GDAP1: variants seen among roughly 807,000 people sequenced by gnomAD.
GDAP1 encodes the protein ganglioside induced differentiation associated protein 1, also known as ganglioside-induced differentiation-associated protein 1.
In GDAP1, 34 loss-of-function variants were observed where a neutral mutation model predicts 40.1. The observed-to-expected ratio is 0.85, with a 90% CI of 0.64 to 1.13. The LOEUF (loss-of-function observed/expected upper bound fraction) is 1.13, where lower values mean the gene tolerates loss of function less well. GDAP1 is among the 50% of genes most tolerant of loss of function. The pLI is 0.00. For synonymous variants in GDAP1, 170 were observed against 157.4 expected (o/e 1.08, Z -0.60); for missense variants, 374 against 433.7 (o/e 0.86, Z 1.22).
At chr8:74,473,477 G>A (rs1273069279) in intron 2 of GDAP1, among the ~76,000 whole-genome samples, 2 of 152,282 alleles carry the variant, frequency 1.3e-5, no homozygotes, top group South Asian at 4.1e-4. Context: ...TTTGTATATG[G>A]TGTATGGAAA....
chr8:74,409,796 G>A (rs534440492), intron 2 of GDAP1, among the ~76,000 whole-genome samples: 1 of 149,968 alleles, frequency 6.7e-6, no homozygotes, highest in East Asian at 1.9e-4. Flanking sequence ...GCTTCCTGTT[G>A]ATCACCTCCT....
chr8:74,396,110 A>G (rs1439095468), intron 2 of GDAP1, among the ~76,000 whole-genome samples: 1 of 152,132 alleles, frequency 6.6e-6, no homozygotes, highest in Non-Finnish European at 1.5e-5. Flanking sequence ...CCACTGCTTT[A>G]AGGAGTTCTA....
rs74582738 is a variant in GDAP1, at chr8:74,402,500, C to T, written c.165+51179C>T. ...GGAAAGGGAACTCCCTGACCCCTTG[C>T]GCTTCCTGAGTGAGGCAATGCCTCG... is the stretch of plus-strand genomic sequence containing the variant. On this transcript the variant is annotated intron_variant, in intron 2 of 2. Coordinates refer to the GDAP1 transcript ENST00000523640. Among the ~76,000 whole-genome samples the T allele has an allele frequency of 2.9e-4, 43 of 150,560 alleles. 2 individuals are homozygous for T. The highest frequency in any genetic ancestry group is 9.0e-4 in the African/African-American group (36 of 39,836).
chr8:74,351,803 C>T (rs1471291405), intron 2 of GDAP1, among the ~76,000 whole-genome samples: 3 of 152,022 alleles, frequency 2.0e-5, no homozygotes, highest in African/African-American at 7.3e-5. Context: ...TGCACTGTGA[C>T]GATTTCATCT....
chr8:74,428,747 G>A (rs1357249097), intron 2 of GDAP1, among the ~76,000 whole-genome samples: 1 of 142,388 alleles, frequency 7.0e-6, no homozygotes, highest in East Asian at 2.2e-4. Flanking sequence ...CTCCCAAAGT[G>A]CTGAGATTAC....
Position 74,351,281 on chromosome 8 carries a change from T to G in GDAP1, c.125T>G (p.Leu42Trp). The G allele has an allele frequency of 1.2e-6, 2 of 1,613,834 alleles. No individual in the cohort carries two copies. The highest frequency in any genetic ancestry group is 2.2e-5 in the South Asian group (2 of 91,076). The change falls in exon 2 of 6, where the codon TTG becomes TGG. Residue 42 changes from leucine to tryptophan, a missense_variant. Physicochemically the swap from Leu to Trp is moderately conservative, Grantham distance 61. Coordinates refer to ENST00000220822, the MANE Select transcript of GDAP1 (RefSeq NM_018972.4). ...CAGTGTGAACTCTTCCAGGTGCGCT[T>G]GGTAATTGCTGAAAAGGCATTGAAG... Reference protein sequence around the residue: ...THSFSSQKVRLVIAEKALKCE... With the variant: ...THSFSSQKVRWVIAEKALKCE...
intron 4 of GDAP1, 134 bp from the exon 5 acceptor site, chr8:74,362,799 TTTTTTG>T: frequency 2.3e-6 from 1 of 431,390 alleles, no homozygotes; most frequent in Admixed American, 4.3e-5. Context: ...TTTTTTTTTT[TTTTTTG>T]CTGAGTTTTT....
chr8:74,455,013 A>G (rs1031482746), intron 2 of GDAP1, among the ~76,000 whole-genome samples: 1 of 152,012 alleles, frequency 6.6e-6, no homozygotes, highest in Non-Finnish European at 1.5e-5. Flanking sequence ...GAGTGGTTCC[A>G]CAATGCCAGT....
chr8:74,378,198 C>T (rs1018295677), intron 2 of GDAP1, among the ~76,000 whole-genome samples: 2 of 152,138 alleles, frequency 1.3e-5, no homozygotes, highest in African/African-American at 2.4e-5. Context: ...ATTTGCCTAC[C>T]AGGCCACTCT....
intron 2 of GDAP1, among the ~76,000 whole-genome samples, chr8:74,408,515 T>C (rs1189868299): frequency 6.7e-6 from 1 of 150,102 alleles, no homozygotes; most frequent in Admixed American, 6.6e-5. Context: ...CCTTTCCAAC[T>C]AGTCTTTCAG....
At chr8:74,396,081 A>C (rs549546041) in intron 2 of GDAP1, among the ~76,000 whole-genome samples, 175 of 152,308 alleles carry the variant, frequency 1.1e-3, no homozygotes, top group Non-Finnish European at 1.9e-3. Context: ...TGTGTATCAC[A>C]ATCAAAAGAG....
At chr8:74,368,408 T>G (rs1027693461), downstream of GDAP1, among the ~76,000 whole-genome samples, 13 of 152,316 alleles carry the variant, frequency 8.5e-5, no homozygotes, top group African/African-American at 3.1e-4. Context: ...GAGCCTACAT[T>G]TATTAAGTTC....
At chr8:74,387,063 G>A (rs1260491159) in intron 2 of GDAP1, among the ~76,000 whole-genome samples, 1 of 152,216 alleles carries the variant, frequency 6.6e-6, no homozygotes, top group Non-Finnish European at 1.5e-5. Context: ...TTGCTTATCA[G>A]CTAAAGGAGA....
chr8:74,352,041 A>G (rs564862625), intron 2 of GDAP1, among the ~76,000 whole-genome samples: 14 of 152,212 alleles, frequency 9.2e-5, no homozygotes, highest in Non-Finnish European at 1.9e-4. Flanking sequence ...TTTCTTCAAT[A>G]ATGTCTTCAA....
intron 2 of GDAP1, among the ~76,000 whole-genome samples, chr8:74,393,474 A>G (rs1222178723): frequency 2.6e-5 from 4 of 152,178 alleles, no homozygotes; most frequent in Non-Finnish European, 1.5e-5. Flanking sequence ...TTTAATGTGC[A>G]TAAACTGTGT....
In GDAP1 at chr8:74,364,451, T is replaced by C. The variant is rs1809527167; in HGVS notation, c.*84T>C. 1 of 1,319,940 alleles carries C rather than the reference T, an allele frequency of 7.6e-7. No homozygotes were observed. Among genetic ancestry groups the C allele is most frequent in the Admixed American group, 1.7e-5 (1 of 59,650 alleles). 81.8% of individuals were successfully genotyped at this position (1,319,940 alleles called of 1,614,324 possible). A position where few individuals can be genotyped will look rare whatever the true frequency, so the allele number is the denominator to read the frequency against. ...CCCGTGGCTCTCTGAGTCTGTCTTA[T>C]TGAGTAGTTAGCAGTATTTTTTCCT... On this transcript the variant is annotated 3_prime_UTR_variant, in exon 6 of 6. Coordinates refer to ENST00000220822, the MANE Select transcript of GDAP1 (RefSeq NM_018972.4).
intron 2 of GDAP1, among the ~76,000 whole-genome samples, chr8:74,381,760 TAAAAA>T (rs59246526): frequency 8.4e-5 from 12 of 142,152 alleles, no homozygotes; most frequent in Admixed American, 1.4e-4. Context: ...CATCTCAAAT[TAAAAA>T]AAAAAAAAAA....
intron 2 of GDAP1, among the ~76,000 whole-genome samples, chr8:74,482,872 C>T (rs1252782222): frequency 2.6e-5 from 4 of 152,166 alleles, no homozygotes; most frequent in African/African-American, 9.7e-5. Flanking sequence ...ACCTGATGCT[C>T]TTGTGCTCTT....
intron 2 of GDAP1, among the ~76,000 whole-genome samples, chr8:74,456,877 T>C (rs1311202218): frequency 6.6e-6 from 1 of 152,038 alleles, no homozygotes; most frequent in African/African-American, 2.4e-5. Flanking sequence ...TAACTTGGGA[T>C]AAGAAAATGA....
Sources: gnomAD v4.1 joint callset for allele counts (sites outside exome capture counted in the v4.1 genomes callset) on GRCh38, gnomAD v4.1.1 for gene constraint, MANE v1.5 for transcripts, NCBI Gene and HGNC (gene_info 2026-07-23, HGNC 2026-07-21) for gene names.